Variants in SPACA6 observed in about 807,000 individuals in gnomAD.
The protein encoded by SPACA6 is sperm acrosome associated 6.
For synonymous variants in SPACA6, 6 were observed against 1.5 expected, an observed-to-expected ratio of 4.05 and a Z score of -2.21; for missense variants, 8 against 2.8, an observed-to-expected ratio of 2.88 and a Z score of -1.34.
rs1378069183 is a variant in SPACA6, at chr19:51,693,345, A to C, written c.-182A>C. 9.4e-6 allele frequency: 7 copies of C among 744,222 alleles called. No homozygotes were observed. The allele number at this position is 744,222 out of a possible 1,614,324, so 46.1% of individuals were successfully genotyped here. On this transcript the variant is annotated 5_prime_UTR_variant, in exon 1 of 9. Transcript: ENST00000637797. ...TGGGAGCCTGGCGTCTGGCCCAACC[A>C]CACACCTGGGGAATTGCTGGCCTGA...
chr19:51,683,581 A>G, the SPACA6 span, among the ~76,000 whole-genome samples: 4 of 152,234 alleles, frequency 2.6e-5, no homozygotes, highest in African/African-American at 4.8e-5. Context: ...AAATACCTTC[A>G]TAAGAATAAA....
At chr19:51,694,731 C>CTCTAAGAGCCAGG (rs2083413070) in intron 2 of SPACA6, among the ~76,000 whole-genome samples, 176 bp downstream of exon 2, 1 of 144,652 alleles carries the variant, frequency 6.9e-6, no homozygotes. Flanking sequence ...CTGAAGGCAG[C>CTCTAAGAGCCAGG]TCTAAGAGCC....
At chr19:51,709,361 T>TA (rs1359990640), downstream of SPACA6, among the ~76,000 whole-genome samples, 2 of 150,288 alleles carry the variant, frequency 1.3e-5, no homozygotes, top group Non-Finnish European at 3.0e-5. Flanking sequence ...CTCCTAAAAA[T>TA]AAAAAATTAG....
At chr19:51,706,101 C>T (rs1378528954), downstream of SPACA6, among the ~76,000 whole-genome samples, 2 of 152,182 alleles carry the variant, frequency 1.3e-5, no homozygotes, top group African/African-American at 4.8e-5. Flanking sequence ...TTGTCAAAGC[C>T]TCAGAGGTTC....
At chr19:51,691,998 CAG>C (rs1683208689), upstream of SPACA6, among the ~76,000 whole-genome samples, 2 of 152,216 alleles carry the variant, frequency 1.3e-5, no homozygotes, top group South Asian at 4.1e-4. Flanking sequence ...TGGGAGGTGT[CAG>C]GGAGAGGACT....
rs765315633 is a variant in SPACA6, at chr19:51,703,247, T to G, written c.483T>G (p.Thr161=). 1.4e-4 allele frequency: 55 copies of G among 399,368 alleles called. No individual in the cohort carries two copies. The highest frequency in any genetic ancestry group is 2.0e-4 in the Non-Finnish European group (46 of 226,104). The allele number at this position is 399,368 out of a possible 1,614,324, so 24.7% of individuals were successfully genotyped here. A position where few individuals can be genotyped will look rare whatever the true frequency, so the allele number is the denominator to read the frequency against. The stretch of plus-strand genomic sequence containing the variant: ...CTTCAGTTCAGGATGTGACAGTGAC[T>G]CGGGGCGACCAGGCTATGTTTTCTT... The part of the protein sequence containing the change: ...LDCPVQDVTV[T]RGDQAMFSCI... The change falls in exon 6 of 9, where the codon ACT becomes ACG. Residue 161 remains threonine (T), a synonymous_variant. Coordinates refer to ENST00000637797, the MANE Select transcript of SPACA6 (RefSeq NM_001316972.2). This position sits in a 1 kb window ranked among gnomAD's most constrained non-coding sequence, Gnocchi z 4.2.
chr19:51,710,046 C>T (rs1203960661), downstream of SPACA6, among the ~76,000 whole-genome samples: 1 of 152,068 alleles, frequency 6.6e-6, no homozygotes, highest in Non-Finnish European at 1.5e-5. Context: ...GAACTGAATC[C>T]ATAATCTTAG....
At chr19:51,684,594 G>A (rs1020383730), upstream of SPACA6, among the ~76,000 whole-genome samples, 1 of 152,188 alleles carries the variant, frequency 6.6e-6, no homozygotes, top group Non-Finnish European at 1.5e-5. Flanking sequence ...TGTAATAGGA[G>A]AATCTGCTGC....
chr19:51,687,258 A>ATAC (rs2083332074), upstream of SPACA6: 48 of 147,294 alleles, frequency 3.3e-4, no homozygotes, highest in African/African-American at 1.2e-3. Flanking sequence ...CTCAAAAATA[A>ATAC]ATACATACAT....
intron 2 of SPACA6, among the ~76,000 whole-genome samples, chr19:51,710,683 C>T (rs1215742304): frequency 2.6e-5 from 4 of 152,178 alleles, no homozygotes; most frequent in African/African-American, 9.7e-5. Context: ...AGAGCCATAA[C>T]ACTGGAGGCA....
intron 2 of SPACA6, among the ~76,000 whole-genome samples, chr19:51,695,279 G>A (rs906226343): frequency 1.3e-5 from 2 of 152,184 alleles, no homozygotes; most frequent in African/African-American, 4.8e-5. Context: ...TGGGGGCCAC[G>A]CAATGCCGAT....
intron 2 of SPACA6, among the ~76,000 whole-genome samples, chr19:51,695,463 G>A (rs1600136993): frequency 2.0e-5 from 3 of 152,158 alleles, no homozygotes; most frequent in Non-Finnish European, 2.9e-5. Context: ...ACCCACAGTC[G>A]CTCCTTTTGC....
intron 2 of SPACA6, among the ~76,000 whole-genome samples, chr19:51,711,324 T>G (rs897216625): frequency 2.0e-5 from 3 of 151,894 alleles, no homozygotes; most frequent in African/African-American, 7.3e-5. Context: ...GAAGGGCAAA[T>G]CAAAACCACA....
At chr19:51,702,530 CGG>C in intron 3 of SPACA6, 97 bp from the exon 4 acceptor site, 2 of 398,514 alleles carry the variant, frequency 5.0e-6, no homozygotes, top group Non-Finnish European at 8.9e-6. Flanking sequence ...CCCGCCCCCT[CGG>C]AGCAATGCTT....
At chr19:51,689,615 G>A (rs2083352509), upstream of SPACA6, 1 of 148,522 alleles carries the variant, frequency 6.7e-6, no homozygotes, top group South Asian at 2.2e-4. Flanking sequence ...TGGGGGGCTG[G>A]GGCCCGCACT....
downstream of SPACA6, among the ~76,000 whole-genome samples, chr19:51,707,987 T>A (rs2083523765): frequency 6.6e-6 from 1 of 152,206 alleles, no homozygotes; most frequent in East Asian, 1.9e-4. Context: ...CTGGAAGCTC[T>A]GCAAACCCCA....
At chr19:51,692,600 C>T (rs756122731), upstream of SPACA6, 6 of 524,996 alleles carry the variant, frequency 1.1e-5, no homozygotes, top group East Asian at 3.3e-4. The surrounding 1 kb of genome is among the most constrained non-coding windows in gnomAD (Gnocchi z 5.6). Flanking sequence ...GGGGCCCGGA[C>T]TCCTGGGTCC....
upstream of SPACA6, chr19:51,686,436 C>T (rs1159179703): frequency 5.3e-5 from 8 of 152,202 alleles, no homozygotes; most frequent in African/African-American, 1.7e-4. Flanking sequence ...AGGGCCAGGA[C>T]AAGGACTGTG....
At chr19:51,699,919 A>G (rs1050490327) in intron 2 of SPACA6, among the ~76,000 whole-genome samples, 8 of 152,178 alleles carry the variant, frequency 5.3e-5, no homozygotes, top group Admixed American at 1.3e-4. Context: ...ATTCCACTGG[A>G]ACAAGCCACA....
Sources: allele counts gnomAD v4.1 joint callset (sites outside exome capture counted in the v4.1 genomes callset), GRCh38; gene constraint gnomAD v4.1.1; non-coding constraint Gnocchi (gnomAD v3.1); transcripts MANE v1.5; gene names NCBI Gene and HGNC (gene_info 2026-07-23, HGNC 2026-07-21).